PLB1: variants seen among roughly 807,000 people sequenced by gnomAD.
PLB1 encodes phospholipase B1, also known as phospholipase B1, membrane-associated.
A neutral mutation model predicts 227.4 loss-of-function variants in PLB1; 242 were observed. That is an observed-to-expected ratio of 1.06 (90% CI 0.96 to 1.18). The LOEUF is 1.18. Ranked by LOEUF, PLB1 falls within the 50% of genes most tolerant of loss-of-function variation. The pLI is 0.00. For missense variants in PLB1, 1,858 were observed against 1,816.3 expected (o/e 1.02, Z -0.42); for synonymous variants, 757 against 682.2 (o/e 1.11, Z -1.71).
rs1406333382 is a variant in PLB1, at chr2:28,532,177, T to G, written c.538T>G (p.Cys180Gly). The change falls in exon 9 of 58, where the codon TGC (cysteine) becomes GGC (glycine). Residue 180 changes from cysteine to glycine, a missense_variant. By Grantham distance (159) the Cys-to-Gly change is radical. Coordinates refer to ENST00000327757, the MANE Select transcript of PLB1 (RefSeq NM_153021.5). ...CAGTAATGCAAGCCAGTGTTACCTG[T>G]GCCCCTCTGCTCAACAGGTAAATGG... ...FFSNASQCYL[C>G]PSAQQNGLAA... 6.2e-7 allele frequency: 1 copy of G among 1,612,528 alleles called. No homozygotes were observed. Among genetic ancestry groups the G allele is most frequent in the Non-Finnish European group, 8.5e-7 (1 of 1,179,156 alleles).
intron 1 of PLB1, among the ~76,000 whole-genome samples, chr2:28,510,967 T>C (rs1668186749): frequency 6.6e-6 from 1 of 152,202 alleles, no homozygotes; most frequent in South Asian, 2.1e-4. Context: ...TAAGTATTTT[T>C]ATTGTTTAGG....
chr2:28,529,747 C>A lies in PLB1; in HGVS notation c.436C>A (p.Gln146Lys). 6.2e-7 allele frequency: 1 copy of A among 1,614,110 alleles called. No individual in the cohort carries two copies. Residue 146 changes from glutamine (Q) to lysine (K), a missense_variant, in exon 8 of 58, where the codon CAA becomes AAA. Transcript: ENST00000327757. ...GCACAGAGACTTGTGGATTCAGGCT[C>A]AAGAACTGGTGAGAAACATGAAAGA... ...DGAEDLWIQAQELVRNMKENL... is the reference protein window; with the variant it reads ...DGAEDLWIQAKELVRNMKENL...
At chr2:28,616,264 A>T (rs1686189665) in intron 44 of PLB1, among the ~76,000 whole-genome samples, 1 of 152,242 alleles carries the variant, frequency 6.6e-6, no homozygotes, top group Non-Finnish European at 1.5e-5. Context: ...AAATATTTGA[A>T]GTGAGGGATA....
chr2:28,563,083 T>C lies in PLB1; in HGVS notation c.1190T>C (p.Leu397Pro). ...GCTGACATCAACGTAATTGGAGCCCTGGGTGACTCTCTCACGGTAAGTGAC... is the reference window on the plus strand; with the variant it reads ...GCTGACATCAACGTAATTGGAGCCCCGGGTGACTCTCTCACGGTAAGTGAC... The part of the protein sequence containing the change: ...KPADINVIGA[L>P]GDSLTAGNGA... Residue 397 changes from leucine (L) to proline (P), a missense_variant, in exon 18 of 58, where the codon CTG (leucine) becomes CCG (proline). Transcript: ENST00000327757. 6.2e-7 allele frequency: 1 copy of C among 1,613,628 alleles called. No individual in the cohort carries two copies.
intron 15 of PLB1, among the ~76,000 whole-genome samples, chr2:28,549,440 G>A (rs1433399757): frequency 1.2e-4 from 2 of 16,096 alleles, no homozygotes; most frequent in Admixed American, 8.1e-4. Flanking sequence ...TTTTTGAGAC[G>A]GAGTCTCGCC....
chr2:28,617,665 C>A (rs893979727), intron 44 of PLB1, 62 bp from the exon 45 acceptor site: 1 of 1,532,706 alleles, frequency 6.5e-7, no homozygotes, highest in Admixed American at 1.7e-5. Flanking sequence ...TCTTCTTGGG[C>A]TGAAGCTTAT....
intron 26 of PLB1, among the ~76,000 whole-genome samples, chr2:28,586,878 G>A (rs1457057038): frequency 6.6e-6 from 1 of 152,112 alleles, no homozygotes; most frequent in East Asian, 1.9e-4. Context: ...CCCCCAAGTA[G>A]CTGGGACTAC....
At chr2:28,522,307 C>G in intron 4 of PLB1, among the ~76,000 whole-genome samples, 1 of 151,942 alleles carries the variant, frequency 6.6e-6, no homozygotes, top group Non-Finnish European at 1.5e-5. Flanking sequence ...CAACTGTAGG[C>G]CCACTGAAAG....
chr2:28,629,078 C>T lies in PLB1; in HGVS notation c.3727-16C>T. 6 of 1,610,646 alleles carry T rather than the reference C, an allele frequency of 3.7e-6. No homozygotes were observed. Among genetic ancestry groups the T allele is most frequent in the Non-Finnish European group, 5.1e-6 (6 of 1,178,112 alleles). Reference sequence around the variant, plus strand: ...GTAGCCAGTGCCCTAACGAAACCACCCTCCACTCCCTGCAGCTCCCAAGGG... The same window carrying T: ...GTAGCCAGTGCCCTAACGAAACCACTCTCCACTCCCTGCAGCTCCCAAGGG... On this transcript the variant is annotated splice_polypyrimidine_tract_variant and intron_variant, in intron 52 of 57. Coordinates refer to ENST00000327757, the MANE Select transcript of PLB1 (RefSeq NM_153021.5).
rs948611635 is a variant in PLB1 at position 28,643,627 on chromosome 2, C to T, written c.*566C>T. 1.3e-5 allele frequency: 2 copies of T among 152,266 alleles called. No individual in the cohort carries two copies. The highest frequency in any genetic ancestry group is 2.9e-5 in the Non-Finnish European group (2 of 68,080). 9.4% of individuals were successfully genotyped at this position (152,266 alleles called of 1,614,324 possible). ...CAGAGAGGTCAAACTCCTTCAATAA[C>T]CAAGAAGCCACGTGATGATGTGTAA... On this transcript the variant is annotated 3_prime_UTR_variant, in exon 58 of 58. Transcript: ENST00000327757.
intron 4 of PLB1, among the ~76,000 whole-genome samples, chr2:28,522,680 A>G (rs902052248): frequency 6.6e-6 from 1 of 152,146 alleles, no homozygotes; most frequent in Non-Finnish European, 1.5e-5. Context: ...CTCTTTGTCC[A>G]TGAATTATTC....
At chr2:28,609,413 GTTAC>G (rs1265081310) in intron 43 of PLB1, among the ~76,000 whole-genome samples, 2 of 151,820 alleles carry the variant, frequency 1.3e-5, no homozygotes, top group African/African-American at 2.4e-5. Flanking sequence ...CTGGTATAAG[GTTAC>G]CCAAAAGGCA....
Position 28,540,478 on chromosome 2 carries a change from C to T in PLB1, c.774+37C>T, listed in dbSNP as rs368933162. 3.8e-5 allele frequency: 61 copies of T among 1,586,372 alleles called. No homozygotes were observed. The Admixed American group carries it at 4.7e-4, about 12-fold the overall frequency. On this transcript the variant is annotated intron_variant, in intron 12 of 57. Transcript: ENST00000327757. ...CTGGGATCCCAAGCTGCTGGCTCAC[C>T]GGGGTGGCGTGGTCGCCAAGGAGAA...
intron 20 of PLB1, among the ~76,000 whole-genome samples, chr2:28,567,359 G>A (rs949672583): frequency 1.3e-5 from 2 of 152,066 alleles, no homozygotes; most frequent in Non-Finnish European, 2.9e-5. Context: ...TGCTATTGCC[G>A]CAGGAGGAGA....
At chr2:28,573,139 G>A in intron 20 of PLB1, 58 bp from the exon 21 acceptor site, 1 of 1,389,774 alleles carries the variant, frequency 7.2e-7, no homozygotes, top group East Asian at 2.3e-5. Context: ...GCTTATCAAA[G>A]GAATTTGAAG....
Position 28,642,893 on chromosome 2 carries a change from A to T in PLB1, c.4209A>T (p.Arg1403=), listed in dbSNP as rs1333626489. Residue 1403 remains arginine, a synonymous_variant, in exon 58 of 58, where the codon CGA becomes CGT. Coordinates refer to ENST00000327757, the MANE Select transcript of PLB1 (RefSeq NM_153021.5). ...SPYLYTLRNS[R]LLPDQAEEAP... ...ACCTCTACACCCTGCGGAACAGCCG[A>T]TTGCTCCCAGACCAGGCTGAAGAAG... is the stretch of plus-strand genomic sequence containing the variant. 6 of 1,607,778 alleles carry T rather than the reference A, an allele frequency of 3.7e-6. No homozygotes were observed. Among genetic ancestry groups the T allele is most frequent in the Non-Finnish European group, 5.1e-6 (6 of 1,177,040 alleles).
chr2:28,564,458 C>T (rs916726744), intron 18 of PLB1, among the ~76,000 whole-genome samples: 2 of 152,212 alleles, frequency 1.3e-5, no homozygotes, highest in African/African-American at 2.4e-5. Context: ...GCAGGCTGGG[C>T]CTTAGCAGCT....
At chr2:28,528,007 C>T (rs866603304) in intron 6 of PLB1, among the ~76,000 whole-genome samples, 2 of 152,200 alleles carry the variant, frequency 1.3e-5, no homozygotes, top group African/African-American at 2.4e-5. Flanking sequence ...TTTCCCACTA[C>T]AGGTGGAAAA....
intron 1 of PLB1, among the ~76,000 whole-genome samples, chr2:28,512,037 C>T (rs1383764978): frequency 6.6e-6 from 1 of 151,230 alleles, no homozygotes; most frequent in Non-Finnish European, 1.5e-5. Flanking sequence ...GTGATCCACC[C>T]ACCTCAGCCT....
Sources: allele counts gnomAD v4.1 joint callset (sites outside exome capture counted in the v4.1 genomes callset), GRCh38; gene constraint gnomAD v4.1.1; transcripts MANE v1.5; gene names NCBI Gene and HGNC (gene_info 2026-07-23, HGNC 2026-07-21).